Variants in JAM3 observed in about 807,000 individuals in gnomAD.
The protein encoded by JAM3 is junctional adhesion molecule C.
Under a neutral mutation model 39.4 loss-of-function variants are expected in JAM3, and 31 were observed. The observed-to-expected ratio is 0.79, with a 90% CI of 0.59 to 1.06. The LOEUF (loss-of-function observed/expected upper bound fraction) is 1.06, where lower values mean the gene tolerates loss of function less well. Among genes scored for constraint, JAM3 ranks in the 50% least tolerant of loss-of-function variants. The probability of loss-of-function intolerance (pLI) is 0.00; values close to 1 mark genes in which losing one functional copy is unlikely to be tolerated. For synonymous variants in JAM3, 182 were observed against 148.7 expected (o/e 1.22, Z -1.63); for missense variants, 455 against 391.4 (o/e 1.16, Z -1.37).
chr11:134,139,210 A>C (rs932513472), intron 1 of JAM3, among the ~76,000 whole-genome samples: 1 of 152,242 alleles, frequency 6.6e-6, no homozygotes, highest in Non-Finnish European at 1.5e-5. Flanking sequence ...AGGGATTGCC[A>C]TGCAATTAGT....
At chr11:134,106,726 A>G (rs1471144797) in intron 1 of JAM3, among the ~76,000 whole-genome samples, 1 of 152,250 alleles carries the variant, frequency 6.6e-6, no homozygotes, top group African/African-American at 2.4e-5. Context: ...AAGACACATG[A>G]AGAAATGCTC....
At chr11:134,087,622 T>C (rs1047714651) in intron 1 of JAM3, among the ~76,000 whole-genome samples, 14 of 152,212 alleles carry the variant, frequency 9.2e-5, no homozygotes, top group African/African-American at 3.4e-4. Context: ...GTTAGACTTC[T>C]CTGGAAGAAA....
intron 1 of JAM3, among the ~76,000 whole-genome samples, chr11:134,131,446 G>T (rs1426372879): frequency 6.6e-6 from 1 of 150,784 alleles, no homozygotes; most frequent in Non-Finnish European, 1.5e-5. Context: ...GGGGGAGGGG[G>T]GACAATCTGA....
At position 134,144,773 on chromosome 11, in the gene JAM3, C is replaced by A; in HGVS notation, c.410-19C>A. 6.4e-7 allele frequency: 1 copy of A among 1,567,070 alleles called. No individual in the cohort carries two copies. The highest frequency in any genetic ancestry group is 8.6e-7 in the Non-Finnish European group (1 of 1,164,790). On this transcript the variant is annotated intron_variant, in intron 4 of 8. Transcript: ENST00000299106. ...GCCCTGTCACTGAGATCTTAAACAC[C>A]ACCCCTTTTTCCCCACAGTGAAGCC...
chr11:134,090,804 A>G (rs927949223), intron 1 of JAM3, among the ~76,000 whole-genome samples: 1 of 151,722 alleles, frequency 6.6e-6, no homozygotes, highest in African/African-American at 2.4e-5. Context: ...AAAAAAATCT[A>G]TTGAAATATT....
chr11:134,146,451 G>A (rs574336624), intron 6 of JAM3, among the ~76,000 whole-genome samples: 74 of 152,230 alleles, frequency 4.9e-4, no homozygotes, highest in African/African-American at 1.7e-3. Flanking sequence ...ACAAAGCTTA[G>A]CCCCTAGAGT....
At chr11:134,108,357 T>G (rs1942242141) in intron 1 of JAM3, among the ~76,000 whole-genome samples, 2 of 151,272 alleles carry the variant, frequency 1.3e-5, no homozygotes, top group Admixed American at 6.6e-5. Context: ...ACCAAACATT[T>G]AAGAAAAAAA....
intron 1 of JAM3, among the ~76,000 whole-genome samples, chr11:134,121,514 C>A (rs1565496200): frequency 6.6e-6 from 1 of 151,238 alleles, no homozygotes; most frequent in Non-Finnish European, 1.5e-5. Context: ...TTTTGTTGTT[C>A]TTTAAAAGGG....
chr11:134,115,576 T>G (rs1194909805), intron 1 of JAM3, among the ~76,000 whole-genome samples: 1 of 152,168 alleles, frequency 6.6e-6, no homozygotes, highest in Non-Finnish European at 1.5e-5. Flanking sequence ...GTTTATCTGA[T>G]GTTTTCTCAT....
At chr11:134,142,729 T>G (rs11827267) in intron 3 of JAM3, among the ~76,000 whole-genome samples, 3,713 of 152,214 alleles carry the variant, frequency 0.024, 158 homozygotes, top group African/African-American at 0.085. Context: ...TTCCAGAACA[T>G]TTTCATCATC....
intron 3 of JAM3, 65 bp from the exon 4 acceptor site, chr11:134,144,176 C>T: frequency 6.4e-7 from 1 of 1,571,886 alleles, no homozygotes; most frequent in East Asian, 2.2e-5. Context: ...CCCCAGAAAC[C>T]ACCCTCTTCA....
At chr11:134,121,000 C>CTGTG in intron 1 of JAM3, among the ~76,000 whole-genome samples, 1 of 152,188 alleles carries the variant, frequency 6.6e-6, no homozygotes, top group South Asian at 2.1e-4. Flanking sequence ...AGCTGTGTTT[C>CTGTG]TGTGCACCAA....
At chr11:134,091,372 G>A (rs866764918) in intron 1 of JAM3, among the ~76,000 whole-genome samples, 9 of 152,110 alleles carry the variant, frequency 5.9e-5, no homozygotes, top group African/African-American at 2.2e-4. Context: ...GCACGCGCCT[G>A]TAGTCCCAGC....
chr11:134,135,394 G>A (rs1942845160), intron 1 of JAM3, among the ~76,000 whole-genome samples: 1 of 152,114 alleles, frequency 6.6e-6, no homozygotes, highest in Admixed American at 6.5e-5. Flanking sequence ...TTATGCTGTG[G>A]GGGGACCCCA....
intron 1 of JAM3, among the ~76,000 whole-genome samples, chr11:134,072,170 T>A (rs1170372527): frequency 6.6e-6 from 1 of 152,238 alleles, no homozygotes; most frequent in Non-Finnish European, 1.5e-5. Context: ...TAGCAGCTGT[T>A]AGAGATGTGG....
intron 1 of JAM3, among the ~76,000 whole-genome samples, chr11:134,138,473 G>T (rs111823256): frequency 1.4e-5 from 2 of 146,940 alleles, no homozygotes; most frequent in African/African-American, 5.3e-5. Flanking sequence ...GTGTCTCGTC[G>T]AAGTCGTGGT....
In JAM3 at chr11:134,151,218, T is replaced by C. The variant is rs774264229; in HGVS notation, c.*2037T>C. ...TTTTTTAATTGCATACATGAGACTG[T>C]GTTGACTTTTTTTAGTTATGTGAAA... On this transcript the variant is annotated 3_prime_UTR_variant, in exon 9 of 9. Coordinates refer to ENST00000299106, the MANE Select transcript of JAM3 (RefSeq NM_032801.5). 2.6e-5 allele frequency: 4 copies of C among 152,182 alleles called. No homozygotes were observed. The highest frequency in any genetic ancestry group is 5.9e-5 in the Non-Finnish European group (4 of 68,044). 9.4% of individuals were successfully genotyped at this position (152,182 alleles called of 1,614,324 possible).
chr11:134,114,183 A>G (rs1401968222), intron 1 of JAM3, among the ~76,000 whole-genome samples: 1 of 152,014 alleles, frequency 6.6e-6, no homozygotes, highest in Admixed American at 6.5e-5. Flanking sequence ...GCTGTGCAGA[A>G]GCTCTTTAGT....
chr11:134,115,258 C>T (rs1174450694), intron 1 of JAM3, among the ~76,000 whole-genome samples: 1 of 151,984 alleles, frequency 6.6e-6, no homozygotes, highest in Non-Finnish European at 1.5e-5. Flanking sequence ...TATTTTGAAG[C>T]TTTGTATCTT....
Sources: gnomAD v4.1 joint callset for allele counts (sites outside exome capture counted in the v4.1 genomes callset) on GRCh38, gnomAD v4.1.1 for gene constraint, MANE v1.5 for transcripts, NCBI Gene and HGNC (gene_info 2026-07-23, HGNC 2026-07-21) for gene names.